The following ATM variants were observed in gnomAD, a reference collection of about 807,000 sequenced individuals.
The protein encoded by ATM is serine-protein kinase ATM.
Under a neutral mutation model 387.0 loss-of-function variants are expected in ATM, and 308 were observed. The observed-to-expected ratio is 0.80, with a 90% CI of 0.73 to 0.87. The LOEUF is 0.87. ATM is among the 40% of genes least tolerant of loss of function. ATM has a pLI of 0.00. For synonymous variants in ATM, 1,156 were observed against 1,187.3 expected, an observed-to-expected ratio of 0.97 and a Z score of 0.54; for missense variants, 3,312 against 3,560.9, an observed-to-expected ratio of 0.93 and a Z score of 1.78.
chr11:108,326,305 A>C, intron 47 of ATM, 80 bp downstream of exon 47: 2 of 1,517,410 alleles, frequency 1.3e-6, no homozygotes, highest in Non-Finnish European at 1.8e-6. Context: ...ATTTTTAATA[A>C]CAATTTTATT....
chr11:108,327,477 T>A, intron 47 of ATM, 168 bp from the exon 48 acceptor site: 2 of 590,182 alleles, frequency 3.4e-6, no homozygotes, highest in East Asian at 6.0e-5. Context: ...ATTTCCTACA[T>A]GGGATTATTA....
intron 37 of ATM, among the ~76,000 whole-genome samples, chr11:108,305,709 A>G (rs181893633): frequency 1.3e-5 from 2 of 152,348 alleles, no homozygotes; most frequent in Non-Finnish European, 2.9e-5. Flanking sequence ...TCTATGACAT[A>G]TAATGGGTAT....
chr11:108,251,870 C>T lies in ATM; in HGVS notation c.1641C>T (p.Thr547=). The part of the protein sequence containing the change: ...PAVCCLTLAL[T]TSIVPGTVKM... ...TATGCTGTTTGACTTTGGCACTGAC[C>T]ACCAGTATAGTTCCAGGAACGGTAA... The change falls in exon 11 of 63, where the codon ACC becomes ACT. Residue 547 remains threonine, a synonymous_variant. Transcript: ENST00000675843. 1.2e-6 allele frequency: 2 copies of T among 1,613,778 alleles called. No homozygotes were observed. Among genetic ancestry groups the T allele is most frequent in the Non-Finnish European group, 1.7e-6 (2 of 1,179,826 alleles).
chr11:108,343,473 A>T, intron 57 of ATM, 102 bp downstream of exon 57: 1 of 1,396,648 alleles, frequency 7.2e-7, no homozygotes, highest in Non-Finnish European at 9.9e-7. Context: ...CTTTAATTTC[A>T]TCAGGTAATT....
At chr11:108,340,274 G>T (rs930938336) in intron 56 of ATM, 2 of 152,078 alleles carry the variant, frequency 1.3e-5, no homozygotes, top group African/African-American at 4.8e-5. Flanking sequence ...GGACAATTTT[G>T]TTCCATTTCT....
intron 43 of ATM, 131 bp downstream of exon 43, chr11:108,317,652 T>TATATATATATATATACACACACAC (rs1399501257): frequency 1.4e-4 from 16 of 117,450 alleles, no homozygotes; most frequent in African/African-American, 8.1e-4. Context: ...TATATATATA[T>TATATATATATATATACACACACAC]ACACACACAC....
rs779400418 is a variant in ATM at position 108,332,798 on chromosome 11, A to T, written c.7825A>T (p.Ile2609Phe). The T allele has an allele frequency of 6.2e-7, 1 of 1,613,454 alleles. No individual in the cohort carries two copies. Among genetic ancestry groups the T allele is most frequent in the Non-Finnish European group, 8.5e-7 (1 of 1,179,758 alleles). ...GGCTGCAAATAGAATAATATGTACT[A>T]TCAGAAGTAGGAGACCTCAGATGGT... ...TEAANRIICT[I>F]RSRRPQMVRS... The change falls in exon 53 of 63, where the codon ATC becomes TTC. Residue 2609 changes from isoleucine (I) to phenylalanine (F), a missense_variant. Around this residue, in one of 4 missense-constraint regions of ATM, gnomAD observed 1,405 missense variants for 1,604.4 expected, o/e 0.88. Coordinates refer to ENST00000675843, the MANE Select transcript of ATM (RefSeq NM_000051.4).
chr11:108,274,283 G>A (rs139739643), intron 22 of ATM, among the ~76,000 whole-genome samples: 2,166 of 152,036 alleles, frequency 0.014, 61 homozygotes, highest in African/African-American at 0.049. Context: ...CTAGCGGTCT[G>A]TTTTGTTAAT....
chr11:108,275,825 C>G (rs2081915046), intron 22 of ATM, among the ~76,000 whole-genome samples: 1 of 152,116 alleles, frequency 6.6e-6, no homozygotes, highest in African/African-American at 2.4e-5. Flanking sequence ...CTTGGTGAAT[C>G]TGATGATTAT....
At position 108,343,320 on chromosome 11, in the gene ATM, A is replaced by C. The variant is rs1393366622; in HGVS notation, c.8367A>C (p.Lys2789Asn). ...FLVNNEDGAHKRYRPNDFSAF... is the reference protein window; with the variant it reads ...FLVNNEDGAHNRYRPNDFSAF... The stretch of plus-strand genomic sequence containing the variant: ...TTAACAATGAAGATGGTGCTCATAA[A>C]AGATACAGGCCAAATGATTTCAGTG... The change falls in exon 57 of 63, where the codon AAA becomes AAC. Residue 2789 changes from lysine (K) to asparagine (N), a missense_variant. By Grantham distance (94) the Lys-to-Asn change is moderately conservative (BLOSUM62 0). This residue lies in a region of ATM where 1,405 missense variants were observed against 1,604.4 expected (regional missense o/e 0.88). Transcript: ENST00000675843. The C allele has an allele frequency of 6.2e-7, 1 of 1,614,080 alleles. No individual in the cohort carries two copies. The highest frequency in any genetic ancestry group is 1.3e-5 in the African/African-American group (1 of 75,048).
chr11:108,321,158 A>G, intron 44 of ATM, 143 bp from the exon 45 acceptor site: 1 of 1,102,274 alleles, frequency 9.1e-7, no homozygotes, highest in Non-Finnish European at 1.3e-6. Flanking sequence ...TTCCACTGCT[A>G]TTTTGTATTC....
Position 108,326,095 on chromosome 11 carries a change from A to C in ATM, c.6845A>C (p.Asn2282Thr). Residue 2282 changes from asparagine to threonine, a missense_variant, in exon 47 of 63, where the codon AAT becomes ACT. By Grantham distance (65) the Asn-to-Thr change is moderately conservative (BLOSUM62 0). Coordinates refer to ENST00000675843, the MANE Select transcript of ATM (RefSeq NM_000051.4). ...ERAIFQIKQY[N>T]SVSCGVSEWQ... ...GCAATATTTCAAATTAAACAGTACA[A>C]TTCAGTTAGCTGTGGAGTCTCTGAG... 2 of 1,614,146 alleles carry C rather than the reference A, an allele frequency of 1.2e-6. No homozygotes were observed. Among genetic ancestry groups the C allele is most frequent in the Non-Finnish European group, 1.7e-6 (2 of 1,180,012 alleles).
At chr11:108,246,932 T>TA in intron 7 of ATM, 32 bp from the exon 8 acceptor site, 1 of 1,554,200 alleles carries the variant, frequency 6.4e-7, no homozygotes, top group Non-Finnish European at 8.9e-7. Flanking sequence ...AGTACATACA[T>TA]AAAAATTACA....
chr11:108,273,693 A>T (rs190659582), intron 22 of ATM, among the ~76,000 whole-genome samples: 68 of 152,202 alleles, frequency 4.5e-4, no homozygotes, highest in African/African-American at 1.4e-3. Flanking sequence ...TGATTTGTGT[A>T]TGCTGAATCA....
At chr11:108,358,630 G>A (rs577992646) in intron 61 of ATM, among the ~76,000 whole-genome samples, 26 of 138,134 alleles carry the variant, frequency 1.9e-4, no homozygotes, top group African/African-American at 7.0e-4. Flanking sequence ...AAGAGAGTGG[G>A]GGCCAATATT....
At chr11:108,356,216 G>C (rs1029554549) in intron 61 of ATM, 5 of 152,016 alleles carry the variant, frequency 3.3e-5, no homozygotes, top group African/African-American at 1.2e-4. Flanking sequence ...AAACTCTAAA[G>C]TTATATTATC....
At chr11:108,244,686 G>A in intron 6 of ATM, 102 bp from the exon 7 acceptor site, 1 of 918,150 alleles carries the variant, frequency 1.1e-6, no homozygotes, top group Non-Finnish European at 1.8e-6. Context: ...TGAAAATTAG[G>A]GTTTTGTTTT....
In ATM at chr11:108,287,673, A is replaced by T. The variant is rs2135736874; in HGVS notation, c.4067A>T (p.Asn1356Ile). Residue 1356 changes from asparagine to isoleucine, a missense_variant, in exon 27 of 63, where the codon AAT becomes ATT. Asn to Ile is a moderately radical substitution (Grantham distance 149, BLOSUM62 -3). Around this residue, in one of 4 missense-constraint regions of ATM, gnomAD observed 1,791 missense variants for 1,804.5 expected, o/e 0.99. Transcript: ENST00000675843. ...TTGATGACGTTACATGAGCCAGCAA[A>T]TTCTAGTGCCAGTCAGAGCACTGAC... ...ELLMTLHEPA[N>I]SSASQSTDLC... The T allele has an allele frequency of 6.8e-6, 11 of 1,613,882 alleles. No homozygotes were observed. Among genetic ancestry groups the T allele is most frequent in the Non-Finnish European group, 9.3e-6 (11 of 1,179,918 alleles).
rs2084246805 is a variant in ATM, at chr11:108,312,449, T to C, written c.5957T>C (p.Ile1986Thr). The change falls in exon 40 of 63, where the codon ATT becomes ACT. Residue 1986 changes from isoleucine (I) to threonine (T), a missense_variant. Physicochemically the swap from Ile to Thr is moderately conservative, Grantham distance 89. Around this residue, in one of 4 missense-constraint regions of ATM, gnomAD observed 1,405 missense variants for 1,604.4 expected, o/e 0.88. Coordinates refer to ENST00000675843, the MANE Select transcript of ATM (RefSeq NM_000051.4). The stretch of plus-strand genomic sequence containing the variant: ...GAAGAAGGAAGCCAGAGTACAACTA[T>C]TTCTAGCTTGAGTGAAAAAAGTAAA... ...AFEEGSQSTT[I>T]SSLSEKSKEE... is the part of the protein sequence containing the mutation. 1 of 1,596,664 alleles carries C rather than the reference T, an allele frequency of 6.3e-7. No individual in the cohort carries two copies. Among genetic ancestry groups the C allele is most frequent in the Non-Finnish European group, 8.6e-7 (1 of 1,164,408 alleles).
Sources: gnomAD v4.1 joint callset for allele counts (sites outside exome capture counted in the v4.1 genomes callset) on GRCh38, gnomAD v4.1.1 for gene constraint, gnomAD v4.1.1 regional missense constraint, MANE v1.5 for transcripts, NCBI Gene and HGNC (gene_info 2026-07-23, HGNC 2026-07-21) for gene names.